The following TDG variants were observed in gnomAD, a reference collection of about 807,000 sequenced individuals.
The protein encoded by TDG is thymine DNA glycosylase.
In TDG, 23 loss-of-function variants were observed where a neutral mutation model predicts 46.1. The observed-to-expected ratio is 0.50, with a 90% CI of 0.36 to 0.71. TDG has a LOEUF of 0.71. Ranked by LOEUF, TDG falls within the 30% of genes least tolerant of loss-of-function variation. TDG has a pLI of 0.00. For missense variants in TDG, 304 were observed against 486.7 expected (o/e 0.62, Z 3.53); for synonymous variants, 115 against 161.3 (o/e 0.71, Z 2.18).
Position 103,984,790 on chromosome 12 carries a change from G to T in TDG, c.834G>T (p.Gln278His), listed in dbSNP as rs752448672. 74 of 1,612,614 alleles carry T rather than the reference G, an allele frequency of 4.6e-5. No individual in the cohort carries two copies. Among genetic ancestry groups the T allele is most frequent in the Non-Finnish European group, 6.1e-5 (72 of 1,178,938 alleles). The part of the protein sequence containing the change: ...VMPSSSARCA[Q>H]FPRAQDKVHY... ...CATCATCCAGTGCAAGATGTGCTCA[G>T]TTTCCTCGAGCCCAAGACAAAGTTC... is the stretch of plus-strand genomic sequence containing the variant. The change falls in exon 8 of 10, where the codon CAG becomes CAT. Residue 278 changes from glutamine to histidine, a missense_variant. Transcript: ENST00000392872.
At chr12:103,983,038 A>G in intron 5 of TDG, 98 bp from the exon 6 acceptor site, 4 of 1,566,146 alleles carry the variant, frequency 2.6e-6, no homozygotes, top group Non-Finnish European at 3.5e-6. Flanking sequence ...GAGCTCAACA[A>G]ATGTACAATA....
chr12:103,987,966 A>G lies in TDG; in HGVS notation c.*876A>G, dbSNP rs1872265703. On this transcript the variant is annotated 3_prime_UTR_variant, in exon 10 of 10. Coordinates refer to ENST00000392872, the MANE Select transcript of TDG (RefSeq NM_003211.6). ...GGAGATATTTGATACTCTCATTTAA[A>G]CTGGTGCTTTATGTACATGAGATGT... 6.6e-6 allele frequency: 1 copy of G among 152,584 alleles called. No individual in the cohort carries two copies. Among genetic ancestry groups the G allele is most frequent in the Admixed American group, 6.5e-5 (1 of 15,278 alleles). 9.5% of individuals were successfully genotyped at this position (152,584 alleles called of 1,614,324 possible).
chr12:103,976,122 G>C (rs993467733), intron 1 of TDG, among the ~76,000 whole-genome samples: 1 of 151,792 alleles, frequency 6.6e-6, no homozygotes, highest in Admixed American at 6.6e-5. Context: ...ATCAAATATA[G>C]GCCTGGGTGC....
At chr12:103,985,067 A>C in intron 8 of TDG, 147 bp downstream of exon 8, 1 of 398,550 alleles carries the variant, frequency 2.5e-6, no homozygotes, top group Non-Finnish European at 4.2e-6. Context: ...ATACATGTGT[A>C]TATATACATA....
intron 1 of TDG, among the ~76,000 whole-genome samples, chr12:103,966,562 T>A (rs1871038743): frequency 6.6e-6 from 1 of 152,190 alleles, no homozygotes. Context: ...TGTGGGCATA[T>A]GTATACACTC....
Position 103,981,468 on chromosome 12 carries a change from C to T in TDG, c.478+506C>T, listed in dbSNP as rs542517053. Among the ~76,000 whole-genome samples the T allele has an allele frequency of 2.0e-5, 3 of 152,138 alleles. No homozygotes were observed. In the South Asian group the frequency reaches 6.2e-4, roughly 32 times the overall value. ...CAGGCTGGTCTCGAACTCCCGGCCT[C>T]AGGTGATCTGCCCACCTCAGCCTCC... On this transcript the variant is annotated intron_variant, in intron 4 of 9. Coordinates refer to ENST00000392872, the MANE Select transcript of TDG (RefSeq NM_003211.6).
chr12:103,975,584 C>T (rs370456356), intron 1 of TDG, among the ~76,000 whole-genome samples: 2 of 152,154 alleles, frequency 1.3e-5, no homozygotes, highest in Admixed American at 6.5e-5. Context: ...ATCCACTCAT[C>T]GTGTTATCAG....
chr12:103,978,378 G>A (rs1871641934), intron 2 of TDG, among the ~76,000 whole-genome samples: 1 of 152,170 alleles, frequency 6.6e-6, no homozygotes, highest in East Asian at 1.9e-4. Context: ...TAGGTTCCAG[G>A]GGTGGGAGAG....
At chr12:103,984,594 A>T (rs1378032338) in intron 7 of TDG, among the ~76,000 whole-genome samples, 155 bp from the exon 8 acceptor site, 3 of 152,174 alleles carry the variant, frequency 2.0e-5, no homozygotes, top group African/African-American at 7.2e-5. Context: ...TACAAATTCA[A>T]CCTTAAAAGC....
chr12:103,975,240 T>C (rs1036888150), intron 1 of TDG, among the ~76,000 whole-genome samples: 1 of 152,232 alleles, frequency 6.6e-6, no homozygotes, highest in Non-Finnish European at 1.5e-5. Context: ...CATTGTTTCC[T>C]TTGAACAGAA....
At chr12:103,973,379 C>T (rs1033650406) in intron 1 of TDG, among the ~76,000 whole-genome samples, 1 of 152,176 alleles carries the variant, frequency 6.6e-6, no homozygotes, top group Non-Finnish European at 1.5e-5. Context: ...GCCACTGCAC[C>T]CAGCCACATC....
rs777388546 is a variant in TDG at position 103,982,769 on chromosome 12, A to T, written c.479-30A>T. ...GACAGAGCGAGACCCTGTCTAAAAA[A>T]AAATAAATAACTGAATTTTCATTTT... is the stretch of plus-strand genomic sequence containing the variant. On this transcript the variant is annotated intron_variant, in intron 4 of 9. Coordinates refer to ENST00000392872, the MANE Select transcript of TDG (RefSeq NM_003211.6). 11 of 1,610,958 alleles carry T rather than the reference A, an allele frequency of 6.8e-6. No individual in the cohort carries two copies. In the East Asian group the frequency reaches 2.0e-4, roughly 29 times the overall value.
At chr12:103,985,581 A>T in intron 8 of TDG, 22 bp from the exon 9 acceptor site, 1 of 1,322,374 alleles carries the variant, frequency 7.6e-7, no homozygotes, top group Non-Finnish European at 9.7e-7. Flanking sequence ...TCAGATTTAA[A>T]TCCTTTTTAC....
intron 9 of TDG, 95 bp from the exon 10 acceptor site, chr12:103,986,853 C>A: frequency 7.1e-7 from 1 of 1,400,910 alleles, no homozygotes; most frequent in Non-Finnish European, 9.8e-7. Context: ...CCACTGCATT[C>A]CAGCCTGGGC....
intron 1 of TDG, among the ~76,000 whole-genome samples, chr12:103,969,103 T>C (rs540705784): frequency 6.6e-6 from 1 of 152,340 alleles, no homozygotes; most frequent in Admixed American, 6.5e-5. Context: ...ACAGTAGTCA[T>C]TATTATAGCA....
In TDG at chr12:103,987,776, T is replaced by C. The variant is rs1319399992; in HGVS notation, c.*686T>C. The C allele has an allele frequency of 6.6e-6, 1 of 152,538 alleles. No homozygotes were observed. The highest frequency in any genetic ancestry group is 1.5e-5 in the Non-Finnish European group (1 of 68,024). The allele number at this position is 152,538 out of a possible 1,614,324, so 9.4% of individuals were successfully genotyped here. On this transcript the variant is annotated 3_prime_UTR_variant, in exon 10 of 10. Transcript: ENST00000392872. ...AGGTTCCAGAGAATGCAGTAGACCTTTTGCCACTCATCTGTGTTTTACTTG... is the reference window on the plus strand; with the variant it reads ...AGGTTCCAGAGAATGCAGTAGACCTCTTGCCACTCATCTGTGTTTTACTTG...
chr12:103,966,278 A>G (rs1372840633), intron 1 of TDG, among the ~76,000 whole-genome samples: 1 of 152,048 alleles, frequency 6.6e-6, no homozygotes, highest in African/African-American at 2.4e-5. Context: ...GTGCACCTGG[A>G]CCCTTCTTTG....
chr12:103,966,110 C>T (rs1013602922), intron 1 of TDG, 50 bp downstream of exon 1: 7 of 1,492,216 alleles, frequency 4.7e-6, no homozygotes, highest in Admixed American at 2.4e-5. Context: ...CACTGCTGGG[C>T]AGGCTGGCTG....
Position 103,977,076 on chromosome 12 carries a change from G to T in TDG, c.166+16G>T, listed in dbSNP as rs201410272. On this transcript the variant is annotated intron_variant, in intron 2 of 9. Transcript: ENST00000392872. ...CCAGTGCAAGGTAGTTTCACCATGA[G>T]AGCTTAGAAAGTTCAACATCGGATC... The T allele has an allele frequency of 1.6e-5, 26 of 1,590,066 alleles. No homozygotes were observed. Among genetic ancestry groups the T allele is most frequent in the Non-Finnish European group, 2.0e-5 (23 of 1,171,742 alleles).
Sources: allele counts gnomAD v4.1 joint callset (sites outside exome capture counted in the v4.1 genomes callset), GRCh38; gene constraint gnomAD v4.1.1; transcripts MANE v1.5; gene names NCBI Gene and HGNC (gene_info 2026-07-23, HGNC 2026-07-21).